The following ITGA9 variants were observed in gnomAD, a reference collection of about 807,000 sequenced individuals.
ITGA9 encodes integrin alpha-9.
ITGA9 carries 56 observed loss-of-function variants against 127.8 expected under a neutral mutation model. The ratio of observed to expected loss-of-function variants is 0.44; its 90% confidence interval spans 0.35 to 0.55. ITGA9 has a LOEUF of 0.55. Ranked by LOEUF, ITGA9 falls within the 20% of genes least tolerant of loss-of-function variation. The probability of loss-of-function intolerance (pLI) is 0.00; values close to 1 mark genes in which losing one functional copy is unlikely to be tolerated. For missense variants in ITGA9, 1,196 were observed against 1,347.1 expected (o/e 0.89, Z 1.76); for synonymous variants, 508 against 514.5 (o/e 0.99, Z 0.17).
At chr3:37,527,904 G>A (rs936928483) in intron 13 of ITGA9, among the ~76,000 whole-genome samples, 2 of 151,998 alleles carry the variant, frequency 1.3e-5, no homozygotes, top group Admixed American at 6.6e-5. Flanking sequence ...TCCTGCCTCA[G>A]CCTCCTGAGC....
rs149466997 is a variant in ITGA9, at chr3:37,674,572, G to A, written c.1917-9293G>A. Among the ~76,000 whole-genome samples the A allele has an allele frequency of 3.1e-3, 465 of 152,298 alleles. 4 individuals carry two copies. The highest frequency in any genetic ancestry group is 0.01 in the Middle Eastern group (3 of 294). ...TACACCCCTCAGATTCAACAAGGGT[G>A]GTATCTTGTGTGTTTCCTTTAAGTT... is the stretch of plus-strand genomic sequence containing the variant. On this transcript the variant is annotated intron_variant, in intron 17 of 27. Transcript: ENST00000264741.
Position 37,473,352 on chromosome 3 carries a change from A to G in ITGA9, c.314-2A>G. The G allele has an allele frequency of 6.2e-7, 1 of 1,613,390 alleles. No homozygotes were observed. The highest frequency in any genetic ancestry group is 2.2e-5 in the East Asian group (1 of 44,864). ...AGTCTGGCTCTTCTCCTCTTTCTCC[A>G]GGGAAGAATCGGGGCACGTCCTGCG... On this transcript the variant is annotated splice_acceptor_variant, in intron 2 of 27. Transcript: ENST00000264741. LOFTEE classifies it high-confidence loss of function.
chr3:37,473,196 A>T (rs1000844032), intron 2 of ITGA9, among the ~76,000 whole-genome samples, 158 bp from the exon 3 acceptor site: 1 of 151,776 alleles, frequency 6.6e-6, no homozygotes, highest in Non-Finnish European at 1.5e-5. Flanking sequence ...GTAAAAAAAC[A>T]GTTGTCTGGA....
intron 14 of ITGA9, among the ~76,000 whole-genome samples, chr3:37,536,832 A>T (rs992017981): frequency 1.3e-5 from 2 of 152,254 alleles, no homozygotes; most frequent in African/African-American, 4.8e-5. Context: ...AACAGAGGAA[A>T]TTTAGCACTG....
chr3:37,725,018 C>T (rs1447366911), intron 18 of ITGA9, among the ~76,000 whole-genome samples: 1 of 152,110 alleles, frequency 6.6e-6, no homozygotes, highest in African/African-American at 2.4e-5. Context: ...GAAAAGCACC[C>T]TCTCTGTGAC....
At chr3:37,513,978 T>C in intron 9 of ITGA9, 78 bp downstream of exon 9, 2 of 1,565,816 alleles carry the variant, frequency 1.3e-6, no homozygotes, top group Non-Finnish European at 1.8e-6. Flanking sequence ...CGAGCACCCC[T>C]CTGGGCCGGC....
chr3:37,512,824 G>T (rs982981983), intron 8 of ITGA9, among the ~76,000 whole-genome samples: 11 of 151,962 alleles, frequency 7.2e-5, no homozygotes, highest in African/African-American at 2.7e-4. Flanking sequence ...ACTCCCTATT[G>T]TTATGTAGAC....
At chr3:37,513,531 A>G (rs1234333756) in intron 8 of ITGA9, among the ~76,000 whole-genome samples, 4 of 151,644 alleles carry the variant, frequency 2.6e-5, no homozygotes, top group Non-Finnish European at 5.9e-5. Flanking sequence ...GATGTGCTGT[A>G]CCCATTAACT....
chr3:37,685,401 G>A (rs569991442), intron 18 of ITGA9, among the ~76,000 whole-genome samples: 1 of 152,292 alleles, frequency 6.6e-6, no homozygotes, highest in East Asian at 1.9e-4. Flanking sequence ...ACTGCAGGAG[G>A]GGTGTGCTTT....
intron 25 of ITGA9, among the ~76,000 whole-genome samples, chr3:37,783,129 AC>A (rs888906457): frequency 5.3e-5 from 8 of 150,702 alleles, no homozygotes; most frequent in African/African-American, 2.0e-4. Flanking sequence ...ACAGAGCGAG[AC>A]TCTGTCTCAA....
At chr3:37,581,607 T>C (rs1699710479) in intron 15 of ITGA9, among the ~76,000 whole-genome samples, 1 of 152,232 alleles carries the variant, frequency 6.6e-6, no homozygotes, top group Non-Finnish European at 1.5e-5. Context: ...AGATGGCAGC[T>C]TCCAGAATCA....
At chr3:37,777,130 T>G (rs1696917406) in intron 23 of ITGA9, among the ~76,000 whole-genome samples, 1 of 152,226 alleles carries the variant, frequency 6.6e-6, no homozygotes, top group Non-Finnish European at 1.5e-5. Flanking sequence ...AGTCTTCCTA[T>G]TTCCTAGTCA....
chr3:37,656,116 T>A (rs1324855509), intron 17 of ITGA9, among the ~76,000 whole-genome samples: 3 of 152,224 alleles, frequency 2.0e-5, no homozygotes, highest in Non-Finnish European at 4.4e-5. Context: ...TAGTTTGAAG[T>A]CAGGTAGCAT....
At chr3:37,624,062 A>G (rs946725307) in intron 15 of ITGA9, among the ~76,000 whole-genome samples, 2 of 151,996 alleles carry the variant, frequency 1.3e-5, no homozygotes, top group African/African-American at 4.8e-5. Flanking sequence ...TTTTCCCTAA[A>G]CTAATTATCT....
intron 17 of ITGA9, among the ~76,000 whole-genome samples, chr3:37,661,336 A>G (rs1013607595): frequency 5.9e-5 from 9 of 152,184 alleles, no homozygotes; most frequent in African/African-American, 2.2e-4. Flanking sequence ...AGGTTGGGTT[A>G]TTTCTCAGAG....
chr3:37,473,160 A>G (rs949109760), intron 2 of ITGA9, among the ~76,000 whole-genome samples, 194 bp from the exon 3 acceptor site: 5 of 150,528 alleles, frequency 3.3e-5, no homozygotes, highest in Admixed American at 1.3e-4. Context: ...AAAAAAAAAA[A>G]AGAAAGAAAA....
rs535899376 is a variant in ITGA9, at chr3:37,816,215, T to C, written c.3010-2676T>C. On this transcript the variant is annotated intron_variant, in intron 27 of 27. Coordinates refer to ENST00000264741, the MANE Select transcript of ITGA9 (RefSeq NM_002207.3). ...CAAGGACAGGTGAGATGCTGAGTAC[T>C]GGGGATTGAAAGCACAAAGCCTGCC... Among the ~76,000 whole-genome samples, 5 of 152,272 alleles carry C rather than the reference T, an allele frequency of 3.3e-5. No individual in the cohort carries two copies. In the East Asian group the frequency reaches 9.6e-4, roughly 29 times the overall value.
chr3:37,676,751 T>A (rs1239880748), intron 17 of ITGA9, among the ~76,000 whole-genome samples: 1 of 152,254 alleles, frequency 6.6e-6, no homozygotes, highest in Non-Finnish European at 1.5e-5. Flanking sequence ...ACATCAAATC[T>A]TTGTCTTCAA....
chr3:37,591,246 GT>G (rs1376316384), intron 15 of ITGA9, among the ~76,000 whole-genome samples: 1 of 152,176 alleles, frequency 6.6e-6, no homozygotes, highest in African/African-American at 2.4e-5. Flanking sequence ...GAAAGCTATT[GT>G]TTATGTAAAA....
Sources: gnomAD v4.1 joint callset for allele counts (sites outside exome capture counted in the v4.1 genomes callset) on GRCh38, gnomAD v4.1.1 for gene constraint, MANE v1.5 for transcripts, NCBI Gene and HGNC (gene_info 2026-07-23, HGNC 2026-07-21) for gene names.